The following ZNF106 variants were observed in gnomAD, a reference collection of about 807,000 sequenced individuals.
ZNF106 encodes the protein SH3-domain binding protein 3.
A neutral mutation model predicts 195.1 loss-of-function variants in ZNF106; 67 were observed. The observed-to-expected ratio is 0.34, with a 90% CI of 0.28 to 0.42. The LOEUF (loss-of-function observed/expected upper bound fraction) is 0.42, where lower values mean the gene tolerates loss of function less well. Ranked by LOEUF, ZNF106 falls within the 10% of genes least tolerant of loss-of-function variation. ZNF106 has a pLI of 1.00. For synonymous variants in ZNF106, 784 were observed against 818.6 expected (o/e 0.96, Z 0.72); for missense variants, 2,118 against 2,304.5 (o/e 0.92, Z 1.66).
At chr15:42,484,662 T>C (rs2056970542) in intron 1 of ZNF106, among the ~76,000 whole-genome samples, 1 of 152,156 alleles carries the variant, frequency 6.6e-6, no homozygotes, top group Non-Finnish European at 1.5e-5. Flanking sequence ...TGCTTGAACC[T>C]GGGAGGCAGA....
intron 6 of ZNF106, among the ~76,000 whole-genome samples, chr15:42,447,321 T>C (rs569915671): frequency 6.6e-6 from 1 of 152,234 alleles, no homozygotes; most frequent in Non-Finnish European, 1.5e-5. Flanking sequence ...TCCAGAGCAG[T>C]ATGGACAACA....
At chr15:42,446,519 A>G (rs1013211889) in intron 7 of ZNF106, 70 bp downstream of exon 7, 3 of 1,289,370 alleles carry the variant, frequency 2.3e-6, no homozygotes, top group Non-Finnish European at 3.3e-6. Flanking sequence ...GGAGGTTACC[A>G]AAAACCCGCA....
At chr15:42,434,663 T>A (rs573509718) in intron 14 of ZNF106, among the ~76,000 whole-genome samples, 69 of 152,284 alleles carry the variant, frequency 4.5e-4, no homozygotes, top group Admixed American at 2.0e-3. Context: ...TATATAATTT[T>A]AAATGTAATT....
chr15:42,424,553 A>G (rs1408766396), intron 16 of ZNF106: 3 of 368,430 alleles, frequency 8.1e-6, no homozygotes, highest in African/African-American at 4.1e-5. Flanking sequence ...TGGCACAATC[A>G]TGGCTCACTG....
chr15:42,437,323 C>T lies in ZNF106; in HGVS notation c.4655G>A (p.Gly1552Glu), dbSNP rs781662396. The T allele has an allele frequency of 5.0e-6, 8 of 1,613,970 alleles. No individual in the cohort carries two copies. The South Asian group carries it at 8.8e-5, about 18-fold the overall frequency. Residue 1552 changes from glycine (G) to glutamate (E), a missense_variant, in exon 13 of 22, where the codon GGA becomes GAA. Physicochemically the swap from Gly to Glu is moderately conservative, Grantham distance 98. Coordinates refer to ENST00000564754, the MANE Select transcript of ZNF106 (RefSeq NM_001366845.3). Reference sequence around the variant, plus strand: ...AATTGCATTTACGGCAGCTTGGTGTCCCTCAAAGCTTCCTTCTGTGGGTTC... The same window carrying T: ...AATTGCATTTACGGCAGCTTGGTGTTCCTCAAAGCTTCCTTCTGTGGGTTC... ...DDEPTEGSFE[G>E]HQAAVNAIQI...
rs113065269 is a variant in ZNF106 at position 42,448,037 on chromosome 15, G to A, written c.3135+35C>T. The A allele has an allele frequency of 9.6e-3, 14,995 of 1,560,164 alleles. 112 individuals are homozygous for A. The highest frequency in any genetic ancestry group is 0.029 in the Middle Eastern group (167 of 5,792). On this transcript the variant is annotated intron_variant, in intron 6 of 21. Coordinates refer to ENST00000564754, the MANE Select transcript of ZNF106 (RefSeq NM_001366845.3). Reference sequence around the variant, plus strand: ...CATAAGCAACCAACTTGCCACATGCGATGTTCTACAAAAAGCAGAGGGAAT... The same window carrying A: ...CATAAGCAACCAACTTGCCACATGCAATGTTCTACAAAAAGCAGAGGGAAT...
chr15:42,450,741 T>G lies in ZNF106; in HGVS notation c.1531A>C (p.Asn511His), dbSNP rs376549374. ...TCCACAGTGGGCTTGTTCGAGGGAT[T>G]TGAGTGTTCTCCAGGGGAAAAAAAA... ...TNFFSPGEHS[N>H]PSNKPTVEDN... Residue 511 changes from asparagine (N) to histidine (H), a missense_variant, in exon 5 of 22, where the codon AAT becomes CAT. Physicochemically the swap from Asn to His is moderately conservative, Grantham distance 68. Coordinates refer to ENST00000564754, the MANE Select transcript of ZNF106 (RefSeq NM_001366845.3). The G allele has an allele frequency of 2.5e-6, 4 of 1,614,246 alleles. No homozygotes were observed. The highest frequency in any genetic ancestry group is 2.2e-5 in the East Asian group (1 of 44,888).
chr15:42,448,148 G>T lies in ZNF106; in HGVS notation c.3059C>A (p.Ala1020Asp). The change falls in exon 6 of 22, where the codon GCC (alanine) becomes GAC (aspartate). Residue 1020 changes from alanine to aspartate, a missense_variant. Ala to Asp is a moderately radical substitution (Grantham distance 126). Coordinates refer to ENST00000564754, the MANE Select transcript of ZNF106 (RefSeq NM_001366845.3). ...ALAISSLADAATDSSCTSGAE... is the reference protein window; with the variant it reads ...ALAISSLADADTDSSCTSGAE... ...ACCAGAGGTACAGCTACTATCTGTG[G>T]CTGCATCCGCTAAACTGGAGATCGC... is the stretch of plus-strand genomic sequence containing the variant. 6.2e-7 allele frequency: 1 copy of T among 1,614,110 alleles called. No homozygotes were observed. Among genetic ancestry groups the T allele is most frequent in the Non-Finnish European group, 8.5e-7 (1 of 1,180,022 alleles).
chr15:42,417,264 A>AAC lies in ZNF106; in HGVS notation c.*39_*40insGT. The AAC allele has an allele frequency of 1.9e-6, 3 of 1,611,158 alleles. No homozygotes were observed. Reference sequence around the variant, plus strand: ...CTGTGTGGGGGGCCAATGTGAAAATAGTTCAACTAATGACTTCCCAACGTG... The same window carrying AAC: ...CTGTGTGGGGGGCCAATGTGAAAATAACGTTCAACTAATGACTTCCCAACGTG... On this transcript the variant is annotated 3_prime_UTR_variant, in exon 22 of 22. Coordinates refer to ENST00000564754, the MANE Select transcript of ZNF106 (RefSeq NM_001366845.3).
chr15:42,441,537 G>C (rs1370274922), intron 10 of ZNF106, among the ~76,000 whole-genome samples: 1 of 152,096 alleles, frequency 6.6e-6, no homozygotes, highest in African/African-American at 2.4e-5. Flanking sequence ...ATTTTACATA[G>C]CTTAGACGTA....
At chr15:42,471,888 C>T (rs181803492) in intron 2 of ZNF106, among the ~76,000 whole-genome samples, 1 of 152,270 alleles carries the variant, frequency 6.6e-6, no homozygotes, top group Admixed American at 6.5e-5. Context: ...TCAAAAAGTA[C>T]ATGATTTTAA....
intron 1 of ZNF106, among the ~76,000 whole-genome samples, chr15:42,483,546 A>C (rs2056950465): frequency 6.6e-6 from 1 of 152,130 alleles, no homozygotes; most frequent in South Asian, 2.1e-4. Flanking sequence ...GGTTTGCTCA[A>C]CCATACACTG....
At chr15:42,447,258 T>C (rs892255582) in intron 6 of ZNF106, among the ~76,000 whole-genome samples, 2 of 152,312 alleles carry the variant, frequency 1.3e-5, no homozygotes, top group East Asian at 1.9e-4. Context: ...CACATGCTTG[T>C]AGTCCCCGCT....
At position 42,412,905 on chromosome 15, in the gene ZNF106, C is replaced by G. The variant is rs1351481622; in HGVS notation, c.*4399G>C. On this transcript the variant is annotated 3_prime_UTR_variant, in exon 22 of 22. Transcript: ENST00000564754. ...AAGTTACGAAGTTCACAGCTTTATA[C>G]CAAAATGTAAGAAGGCTATTTGCTT... 1 of 152,168 alleles carries G rather than the reference C, an allele frequency of 6.6e-6. No homozygotes were observed. The highest frequency in any genetic ancestry group is 2.4e-5 in the African/African-American group (1 of 41,440). 9.4% of individuals were successfully genotyped at this position (152,168 alleles called of 1,614,324 possible). A position where few individuals can be genotyped will look rare whatever the true frequency, so the allele number is the denominator to read the frequency against.
At position 42,413,763 on chromosome 15, in the gene ZNF106, T is replaced by A. The variant is rs1246606300; in HGVS notation, c.*3541A>T. The A allele has an allele frequency of 6.6e-6, 1 of 152,318 alleles. No homozygotes were observed. The highest frequency in any genetic ancestry group is 1.9e-4 in the East Asian group (1 of 5,198). 9.4% of individuals were successfully genotyped at this position (152,318 alleles called of 1,614,324 possible). On this transcript the variant is annotated 3_prime_UTR_variant, in exon 22 of 22. Coordinates refer to ENST00000564754, the MANE Select transcript of ZNF106 (RefSeq NM_001366845.3). ...TTAACTCTTCTGGGGAAGAAGAAAA[T>A]TTTTCCCACAAAAGCAGGAGTGCAG...
At chr15:42,480,865 C>T (rs1595498462) in intron 1 of ZNF106, among the ~76,000 whole-genome samples, 1 of 151,946 alleles carries the variant, frequency 6.6e-6, no homozygotes, top group Admixed American at 6.6e-5. Context: ...GGCACCTGTA[C>T]TCCCAGCTAC....
At chr15:42,465,919 A>G (rs2056504868) in intron 3 of ZNF106, 134 bp downstream of exon 3, 2 of 624,708 alleles carry the variant, frequency 3.2e-6, no homozygotes, top group Non-Finnish European at 5.1e-6. Flanking sequence ...ACTTGGTATT[A>G]ATTCTAAAAG....
At position 42,448,141 on chromosome 15, in the gene ZNF106, A is replaced by G. The variant is rs780200415; in HGVS notation, c.3066T>C (p.Asp1022=). 2.5e-6 allele frequency: 4 copies of G among 1,614,112 alleles called. No individual in the cohort carries two copies. Among genetic ancestry groups the G allele is most frequent in the East Asian group, 4.5e-5 (2 of 44,880 alleles). The change falls in exon 6 of 22, where the codon GAT becomes GAC. Residue 1022 remains aspartate (D), a synonymous_variant. Coordinates refer to ENST00000564754, the MANE Select transcript of ZNF106 (RefSeq NM_001366845.3). ...AISSLADAAT[D]SSCTSGAEQN... ...GTTCAGCACCAGAGGTACAGCTACT[A>G]TCTGTGGCTGCATCCGCTAAACTGG... is the stretch of plus-strand genomic sequence containing the variant.
intron 17 of ZNF106, 22 bp from the exon 18 acceptor site, chr15:42,422,642 A>C (rs777738518): frequency 1.3e-6 from 2 of 1,589,210 alleles, no homozygotes; most frequent in South Asian, 2.3e-5. Context: ...GAGAAGTAAG[A>C]GTCACCAGAC....
Sources: gnomAD v4.1 joint callset for allele counts (sites outside exome capture counted in the v4.1 genomes callset) on GRCh38, gnomAD v4.1.1 for gene constraint, MANE v1.5 for transcripts, NCBI Gene and HGNC (gene_info 2026-07-23, HGNC 2026-07-21) for gene names.